Variants in DGKE observed in about 807,000 individuals in gnomAD.
DGKE encodes the protein DAG kinase epsilon.
In DGKE, 53 loss-of-function variants were observed where a neutral mutation model predicts 70.0. That is an observed-to-expected ratio of 0.76 (90% confidence interval 0.61 to 0.95). The LOEUF (loss-of-function observed/expected upper bound fraction) is 0.95. DGKE is among the 40% of genes least tolerant of loss of function. The pLI, the probability that DGKE is intolerant of heterozygous loss-of-function variation, is 0.00. For synonymous variants in DGKE, 291 were observed against 257.0 expected (o/e 1.13, Z -1.27); for missense variants, 655 against 706.9 (o/e 0.93, Z 0.83).
chr17:56,854,424 T>G (rs1567819807), intron 7 of DGKE, among the ~76,000 whole-genome samples: 1 of 152,038 alleles, frequency 6.6e-6, no homozygotes, highest in Non-Finnish European at 1.5e-5. Flanking sequence ...TCTTCACACC[T>G]TAGCCTCATT....
rs377356761 is a variant in DGKE, at chr17:56,834,760, T to A, written c.-18-18T>A. 62 of 1,548,958 alleles carry A rather than the reference T, an allele frequency of 4.0e-5. No individual in the cohort carries two copies. Among genetic ancestry groups the A allele is most frequent in the Non-Finnish European group, 5.1e-5 (59 of 1,148,526 alleles). ...GATGGCGAGCTCGGGGTGCACCGCC[T>A]GTTTCTTTTCTGGTTAGGTATCGTC... On this transcript the variant is annotated intron_variant, in intron 1 of 11. Transcript: ENST00000284061.
intron 2 of DGKE, among the ~76,000 whole-genome samples, chr17:56,843,814 A>AAAAAAAAT (rs1567812776): frequency 2.6e-5 from 4 of 151,382 alleles, no homozygotes; most frequent in Admixed American, 6.6e-5. Flanking sequence ...AAAAAAAAAA[A>AAAAAAAAT]GTGCTGTTAG....
intron 7 of DGKE, among the ~76,000 whole-genome samples, chr17:56,855,300 A>G (rs1317752860): frequency 6.6e-6 from 1 of 152,172 alleles, no homozygotes; most frequent in East Asian, 1.9e-4. Context: ...AGAACAAGTG[A>G]CCAAATTTAG....
intron 5 of DGKE, 22 bp downstream of exon 5, chr17:56,848,087 TA>T (rs1907412059): frequency 6.9e-7 from 1 of 1,455,390 alleles, no homozygotes; most frequent in African/African-American, 1.4e-5. Flanking sequence ...TAAGAACTAC[TA>T]CAGAAGGACT....
In DGKE at chr17:56,859,689, A is replaced by T. The variant is rs181263228; in HGVS notation, c.1284+1024A>T. ...CGACTCAGCCTCCCAAAGTGCTGGG[A>T]TTACAGGCGTAAGCCACCGCGCCCA... is the stretch of plus-strand genomic sequence containing the variant. On this transcript the variant is annotated intron_variant, in intron 9 of 11. Coordinates refer to ENST00000284061, the MANE Select transcript of DGKE (RefSeq NM_003647.3). Among the ~76,000 whole-genome samples the T allele has an allele frequency of 4.6e-3, 702 of 152,278 alleles. 1 individual carries two copies. The highest frequency in any genetic ancestry group is 8.0e-3 in the Admixed American group (123 of 15,304).
chr17:56,866,190 C>G lies in DGKE; in HGVS notation c.*3399C>G, dbSNP rs1013668247. The G allele has an allele frequency of 1.3e-5, 2 of 152,086 alleles. No individual in the cohort carries two copies. The highest frequency in any genetic ancestry group is 2.9e-5 in the Non-Finnish European group (2 of 68,012). The allele number at this position is 152,086 out of a possible 1,614,324, so 9.4% of individuals were successfully genotyped here. The stretch of plus-strand genomic sequence containing the variant: ...TGTCCCCCTGTCTTTTTCAATTTTT[C>G]CCTTGAAGCCTTTCTCTTGTTCTTC... On this transcript the variant is annotated 3_prime_UTR_variant, in exon 12 of 12. Transcript: ENST00000284061.
intron 2 of DGKE, chr17:56,835,497 C>T: frequency 1.8e-6 from 1 of 547,392 alleles, no homozygotes; most frequent in South Asian, 2.7e-5. Flanking sequence ...GGTAATAAAA[C>T]TTGGCTCCTA....
rs1202061566 is a variant in DGKE, at chr17:56,835,191, G to C, written c.396G>C (p.Val132=). Residue 132 remains valine (V), a synonymous_variant, in exon 2 of 12, where the codon GTG becomes GTC. Transcript: ENST00000284061. Reference sequence around the variant, plus strand: ...CCCACCACTGGATCCGGGGCAACGTGCCCCTGTGCAGTTACTGTATGGTTT... The same window carrying C: ...CCCACCACTGGATCCGGGGCAACGTCCCCCTGTGCAGTTACTGTATGGTTT... ...AMPHHWIRGN[V]PLCSYCMVCK... 2 of 1,613,936 alleles carry C rather than the reference G, an allele frequency of 1.2e-6. No homozygotes were observed. Among genetic ancestry groups the C allele is most frequent in the East Asian group, 2.2e-5 (1 of 44,892 alleles).
intron 4 of DGKE, 191 bp from the exon 5 acceptor site, chr17:56,847,731 C>A: frequency 3.3e-6 from 1 of 304,974 alleles, no homozygotes; most frequent in Non-Finnish European, 5.9e-6. Flanking sequence ...CTAACTCTTG[C>A]TTTGTAAAGT....
chr17:56,835,240 C>G lies in DGKE; in HGVS notation c.445C>G (p.Pro149Ala), dbSNP rs747565175. The G allele has an allele frequency of 2.1e-5, 34 of 1,611,464 alleles. No homozygotes were observed. In the Admixed American group the frequency reaches 5.7e-4, roughly 27 times the overall value. Residue 149 changes from proline (P) to alanine (A), a missense_variant, in exon 2 of 12, where the codon CCC becomes GCC. Pro to Ala is a conservative substitution (Grantham distance 27). Transcript: ENST00000284061. Reference sequence around the variant, plus strand: ...TTGCAAGCAGCAGTGTGGCTGTCAACCCAAGCTTTGCGATTACAGGTATGG... The same window carrying G: ...TTGCAAGCAGCAGTGTGGCTGTCAAGCCAAGCTTTGCGATTACAGGTATGG... ...MVCKQQCGCQ[P>A]KLCDYRCIWC... is the part of the protein sequence containing the mutation.
intron 2 of DGKE, among the ~76,000 whole-genome samples, chr17:56,841,809 T>G (rs1906996757): frequency 6.6e-6 from 1 of 152,172 alleles, no homozygotes; most frequent in Non-Finnish European, 1.5e-5. Context: ...GGTCAGGTTT[T>G]TTTTGTTTTG....
At position 56,835,543 on chromosome 17, in the gene DGKE, C is replaced by G. The variant is rs1567807907; in HGVS notation, c.464+284C>G. 6.5e-6 allele frequency: 3 copies of G among 464,438 alleles called. No individual in the cohort carries two copies. The South Asian group carries it at 1.5e-4, about 23-fold the overall frequency. The allele number at this position is 464,438 out of a possible 1,614,324, so 28.8% of individuals were successfully genotyped here. Reference sequence around the variant, plus strand: ...AGAGGTTTCTAAGTGGTGCCTGCTTCATGGCCACTGTATATTTTAGCTTTT... The same window carrying G: ...AGAGGTTTCTAAGTGGTGCCTGCTTGATGGCCACTGTATATTTTAGCTTTT... On this transcript the variant is annotated intron_variant, in intron 2 of 11. Transcript: ENST00000284061.
At chr17:56,859,969 A>T (rs1424657103) in intron 9 of DGKE, among the ~76,000 whole-genome samples, 2 of 152,234 alleles carry the variant, frequency 1.3e-5, no homozygotes, top group Non-Finnish European at 2.9e-5. Context: ...GCGTAGAAGT[A>T]AGCAAGATTT....
intron 2 of DGKE, among the ~76,000 whole-genome samples, chr17:56,841,251 CA>C (rs10676152): frequency 5.9e-5 from 8 of 135,234 alleles, no homozygotes; most frequent in Non-Finnish European, 3.1e-5. Flanking sequence ...TACTCTGTCT[CA>C]AAAAAAAAAA....
In DGKE at chr17:56,835,128, T is replaced by C; in HGVS notation, c.333T>C (p.Ile111=). The change falls in exon 2 of 12, where the codon ATT becomes ATC. Residue 111 remains isoleucine, a synonymous_variant. Transcript: ENST00000284061. Reference sequence around the variant, plus strand: ...ACAAGCGCTTCCAGTGCAAGGAGATTATGCTCAAGAATGACACCAAGGTCC... The same window carrying C: ...ACAAGCGCTTCCAGTGCAAGGAGATCATGCTCAAGAATGACACCAAGGTCC... ...KADKRFQCKE[I]MLKNDTKVLD... 6.2e-7 allele frequency: 1 copy of C among 1,613,980 alleles called. No homozygotes were observed. Among genetic ancestry groups the C allele is most frequent in the Non-Finnish European group, 8.5e-7 (1 of 1,180,032 alleles).
intron 9 of DGKE, among the ~76,000 whole-genome samples, chr17:56,860,744 G>T (rs1309390597): frequency 6.6e-6 from 1 of 151,968 alleles, no homozygotes; most frequent in East Asian, 1.9e-4. Flanking sequence ...AGGAGGAGGG[G>T]AAGATTGCTG....
At chr17:56,862,512 A>G in intron 11 of DGKE, 100 bp from the exon 12 acceptor site, 1 of 1,094,968 alleles carries the variant, frequency 9.1e-7, no homozygotes, top group Non-Finnish European at 1.3e-6. Flanking sequence ...CTAAAAATGA[A>G]ATGCATAAGG....
chr17:56,845,611 C>T (rs532963165), intron 3 of DGKE, 79 bp from the exon 4 acceptor site: 1 of 1,418,240 alleles, frequency 7.1e-7, no homozygotes, highest in South Asian at 1.5e-5. Context: ...AATTATAGCA[C>T]CATTGTTCTC....
chr17:56,858,116 A>G (rs1018689851), intron 8 of DGKE, among the ~76,000 whole-genome samples: 2 of 151,362 alleles, frequency 1.3e-5, no homozygotes, highest in African/African-American at 2.4e-5. Context: ...CTTCTATCCC[A>G]CATTTCCCCT....
Sources: allele counts gnomAD v4.1 joint callset (sites outside exome capture counted in the v4.1 genomes callset), GRCh38; gene constraint gnomAD v4.1.1; transcripts MANE v1.5; gene names NCBI Gene and HGNC (gene_info 2026-07-23, HGNC 2026-07-21).